The following PKD1L1 variants were observed in gnomAD, a reference collection of about 807,000 sequenced individuals.
PKD1L1 encodes the protein polycystin-1-like protein 1.
A neutral mutation model predicts 323.4 loss-of-function variants in PKD1L1; 236 were observed. The ratio of observed to expected loss-of-function variants is 0.73; its 90% CI spans 0.66 to 0.81. The LOEUF (loss-of-function observed/expected upper bound fraction) is 0.81. Among genes scored for constraint, PKD1L1 ranks in the 40% least tolerant of loss-of-function variants. The pLI, the probability that PKD1L1 is intolerant of heterozygous loss-of-function variation, is 0.00. For missense variants in PKD1L1, 3,320 were observed against 3,508.0 expected (o/e 0.95, Z 1.35); for synonymous variants, 1,344 against 1,335.0 (o/e 1.01, Z -0.15).
At chr7:47,850,663 A>G (rs1337009425) in intron 31 of PKD1L1, among the ~76,000 whole-genome samples, 2 of 151,290 alleles carry the variant, frequency 1.3e-5, no homozygotes, top group Non-Finnish European at 2.9e-5. Context: ...GGATAAAAGT[A>G]AGGCTTAGCA....
intron 7 of PKD1L1, among the ~76,000 whole-genome samples, chr7:47,920,222 C>A (rs772652424): frequency 5.3e-5 from 8 of 151,310 alleles, no homozygotes; most frequent in African/African-American, 1.2e-4. Context: ...TCAACAGAGA[C>A]CAAGCTGAGA....
chr7:47,871,164 G>A (rs1270015903), intron 24 of PKD1L1, among the ~76,000 whole-genome samples: 1 of 151,878 alleles, frequency 6.6e-6, no homozygotes, highest in Admixed American at 6.6e-5. Context: ...AGAAAAAGAT[G>A]TATACATCAT....
intron 13 of PKD1L1, among the ~76,000 whole-genome samples, chr7:47,900,833 A>T (rs1369132548): frequency 6.6e-6 from 1 of 152,240 alleles, no homozygotes; most frequent in Non-Finnish European, 1.5e-5. Flanking sequence ...TTTAACAGTA[A>T]GACATCATTA....
intron 22 of PKD1L1, among the ~76,000 whole-genome samples, chr7:47,877,152 C>T (rs1259366328): frequency 1.3e-5 from 2 of 152,058 alleles, no homozygotes; most frequent in African/African-American, 2.4e-5. Flanking sequence ...CTCCTCTCCT[C>T]ACTTTGGGTC....
rs1359520244 is a variant in PKD1L1 at position 47,835,694 on chromosome 7, C to T, written c.5944-451G>A. The stretch of plus-strand genomic sequence containing the variant: ...GGGATTACAGGCGTGAGCTACTGCG[C>T]CTGGCCACAATTCAATTTAAATAAT... On this transcript the variant is annotated intron_variant, in intron 37 of 56. Coordinates refer to ENST00000289672, the MANE Select transcript of PKD1L1 (RefSeq NM_138295.5). Among the ~76,000 whole-genome samples, 4 of 152,078 alleles carry T rather than the reference C, an allele frequency of 2.6e-5. No individual in the cohort carries two copies. In the South Asian group the frequency reaches 8.3e-4, roughly 32 times the overall value.
intron 19 of PKD1L1, among the ~76,000 whole-genome samples, chr7:47,884,361 C>G (rs909980176): frequency 1.2e-4 from 19 of 152,108 alleles, no homozygotes; most frequent in Admixed American, 2.6e-4. Flanking sequence ...GGATGCTCAT[C>G]CTTGGGCCTG....
rs1786999875 is a variant in PKD1L1, at chr7:47,898,092, C to T, written c.2167G>A (p.Glu723Lys). The stretch of plus-strand genomic sequence containing the variant: ...GCAGGGAGGGAGACAGGGAGCCCTT[C>T]AGAGTCCATCAAGTTCCAGGTGTAA... ...LSYTWNLMDS[E>K]GLPVSLPAAV... The change falls in exon 14 of 57, where the codon GAA becomes AAA. Residue 723 changes from glutamate (E) to lysine (K), a missense_variant. Glu to Lys is a moderately conservative substitution (Grantham distance 56). Coordinates refer to ENST00000289672, the MANE Select transcript of PKD1L1 (RefSeq NM_138295.5). The T allele has an allele frequency of 6.2e-7, 1 of 1,614,020 alleles. No individual in the cohort carries two copies. Among genetic ancestry groups the T allele is most frequent in the Non-Finnish European group, 8.5e-7 (1 of 1,180,022 alleles).
chr7:47,958,528 G>A, the PKD1L1 span, among the ~76,000 whole-genome samples: 1 of 152,040 alleles, frequency 6.6e-6, no homozygotes, highest in African/African-American at 2.4e-5. Flanking sequence ...CATTTATATG[G>A]GCAAGAAGTT....
Position 47,885,839 on chromosome 7 carries a change from A to G in PKD1L1, c.3052T>C (p.Trp1018Arg). The change falls in exon 18 of 57, where the codon TGG becomes CGG. Residue 1018 changes from tryptophan (W) to arginine (R), a missense_variant. Physicochemically the swap from Trp to Arg is moderately radical, Grantham distance 101. Coordinates refer to ENST00000289672, the MANE Select transcript of PKD1L1 (RefSeq NM_138295.5). Reference sequence around the variant, plus strand: ...GCAGAGTCCCCCGCAGGAGGAATCCAGTAGACTCCAGTCATGGGCTCTGTG... The same window carrying G: ...GCAGAGTCCCCCGCAGGAGGAATCCGGTAGACTCCAGTCATGGGCTCTGTG... ...TPTEPMTGVY[W>R]IPPAGDSAVL... 6.2e-7 allele frequency: 1 copy of G among 1,614,226 alleles called. No individual in the cohort carries two copies. The highest frequency in any genetic ancestry group is 8.5e-7 in the Non-Finnish European group (1 of 1,180,034).
chr7:47,950,294 G>A (rs959449959), upstream of PKD1L1, among the ~76,000 whole-genome samples: 2 of 152,102 alleles, frequency 1.3e-5, no homozygotes, highest in Non-Finnish European at 2.9e-5. Flanking sequence ...TTCCTTGTGG[G>A]GCTGGACATC....
the PKD1L1 span, among the ~76,000 whole-genome samples, chr7:47,958,384 C>A: frequency 6.6e-6 from 1 of 152,102 alleles, no homozygotes; most frequent in Non-Finnish European, 1.5e-5. Flanking sequence ...AACTGAAAAT[C>A]CACATGCAGA....
At chr7:47,956,621 A>G in the PKD1L1 span, among the ~76,000 whole-genome samples, 1 of 152,226 alleles carries the variant, frequency 6.6e-6, no homozygotes. Context: ...AAATACCTAC[A>G]TATTCAATGC....
intron 45 of PKD1L1, among the ~76,000 whole-genome samples, chr7:47,821,599 A>C (rs1204505138): frequency 6.6e-6 from 1 of 151,370 alleles, no homozygotes; most frequent in Admixed American, 6.6e-5. Flanking sequence ...CGGCTTTTAA[A>C]TCCCTGGGAG....
rs200046934 is a variant in PKD1L1, at chr7:47,929,182, A to G, written c.1060+22T>C. The G allele has an allele frequency of 2.4e-5, 39 of 1,603,438 alleles. No individual in the cohort carries two copies. In the East Asian group the frequency reaches 5.6e-4, roughly 23 times the overall value. ...TCAGGACCTCCTTCCCAGGCTCCTG[A>G]TAAGGACACCATGCACCTTACCTTT... On this transcript the variant is annotated intron_variant, in intron 7 of 56. Coordinates refer to ENST00000289672, the MANE Select transcript of PKD1L1 (RefSeq NM_138295.5).
chr7:47,775,235 C>G, intron 56 of PKD1L1, 69 bp from the exon 57 acceptor site: 1 of 1,589,958 alleles, frequency 6.3e-7, no homozygotes, highest in South Asian at 1.1e-5. Context: ...AACAAATAGG[C>G]AGAAAGGCAG....
intron 8 of PKD1L1, among the ~76,000 whole-genome samples, chr7:47,913,508 T>C (rs1583669394): frequency 6.6e-6 from 1 of 152,100 alleles, no homozygotes; most frequent in Non-Finnish European, 1.5e-5. Flanking sequence ...TCATGAATGG[T>C]TTAGTGTCAC....
Position 47,803,306 on chromosome 7 carries a change from G to A in PKD1L1, c.7866C>T (p.Phe2622=). 1 of 1,614,130 alleles carries A rather than the reference G, an allele frequency of 6.2e-7. No individual in the cohort carries two copies. The highest frequency in any genetic ancestry group is 8.5e-7 in the Non-Finnish European group (1 of 1,180,010). ...RWLRGILLFL[F]TLKCVYLPGI... is the part of the protein sequence containing the mutation. ...CAGGAAGATAGACGCATTTTAATGT[G>A]AAGAGGAATAAGAGGATTCCCCGGA... The change falls in exon 53 of 57, where the codon TTC becomes TTT. Residue 2622 remains phenylalanine (F), a synonymous_variant. Transcript: ENST00000289672.
At chr7:47,943,708 T>A (rs543346927) in intron 1 of PKD1L1, among the ~76,000 whole-genome samples, 197 bp from the exon 2 acceptor site, 18 of 152,348 alleles carry the variant, frequency 1.2e-4, no homozygotes, top group African/African-American at 4.3e-4. Context: ...AGGGTCTGTT[T>A]TAGAAGATTA....
intron 31 of PKD1L1, among the ~76,000 whole-genome samples, chr7:47,852,606 G>A (rs992999571): frequency 6.6e-6 from 1 of 152,130 alleles, no homozygotes. Context: ...TGGGGAAGGG[G>A]TTACTGAGGC....
Sources: allele counts gnomAD v4.1 joint callset (sites outside exome capture counted in the v4.1 genomes callset), GRCh38; gene constraint gnomAD v4.1.1; transcripts MANE v1.5; gene names NCBI Gene and HGNC (gene_info 2026-07-23, HGNC 2026-07-21).